Variants in TMC1 observed in about 807,000 individuals in gnomAD.
TMC1 encodes the protein transmembrane channel like 1.
TMC1 carries 84 observed loss-of-function variants against 105.8 expected under a neutral mutation model. The observed-to-expected ratio is 0.79, with a 90% CI of 0.67 to 0.95. The LOEUF (loss-of-function observed/expected upper bound fraction) is 0.95, where lower values mean the gene tolerates loss of function less well. TMC1 is among the 40% of genes least tolerant of loss of function. The probability of loss-of-function intolerance (pLI) is 0.00; values close to 1 mark genes in which losing one functional copy is unlikely to be tolerated. For synonymous variants in TMC1, 315 were observed against 311.5 expected, an observed-to-expected ratio of 1.01 and a Z score of -0.12; for missense variants, 817 against 914.1, an observed-to-expected ratio of 0.89 and a Z score of 1.37.
chr9:72,597,248 A>G (rs1425453107), intron 2 of TMC1, among the ~76,000 whole-genome samples: 3 of 152,238 alleles, frequency 2.0e-5, no homozygotes, highest in Admixed American at 2.0e-4. Flanking sequence ...TCACAGAAAG[A>G]AAGAATGATG....
chr9:72,658,332 TA>T lies in TMC1; in HGVS notation c.16+9684del, dbSNP rs76389787. On this transcript the variant is annotated intron_variant, in intron 5 of 23. Coordinates refer to ENST00000297784, the MANE Select transcript of TMC1 (RefSeq NM_138691.3). ...CTGGGTGAGAGGGTGAGACTCCGTC[TA>T]AAAAAAAAAAAAAAACTATGGTTGT... is the stretch of plus-strand genomic sequence containing the variant. 6.5e-3 allele frequency among the ~76,000 whole-genome samples: 862 copies of T among 131,910 alleles called. 4 individuals are homozygous for T. Among genetic ancestry groups the T allele is most frequent in the African/African-American group, 0.016 (583 of 36,122 alleles). The allele number at this position is 131,910 out of a possible 152,430, so 86.5% of individuals were successfully genotyped here.
At chr9:72,558,779 C>T (rs1823990189) in intron 1 of TMC1, among the ~76,000 whole-genome samples, 1 of 152,118 alleles carries the variant, frequency 6.6e-6, no homozygotes, top group South Asian at 2.1e-4. Context: ...GATGCAGCAA[C>T]CCCTGTATCC....
At chr9:72,833,029 T>C (rs542372314) in intron 23 of TMC1, among the ~76,000 whole-genome samples, 2 of 152,318 alleles carry the variant, frequency 1.3e-5, no homozygotes, top group East Asian at 3.9e-4. Flanking sequence ...CTTGACTTTT[T>C]AGTTTTAAGT....
intron 5 of TMC1, among the ~76,000 whole-genome samples, chr9:72,675,593 C>G (rs1826190322): frequency 6.6e-6 from 1 of 152,118 alleles, no homozygotes; most frequent in African/African-American, 2.4e-5. Flanking sequence ...CATTGTCCTT[C>G]TCTGCATGAT....
intron 2 of TMC1, among the ~76,000 whole-genome samples, chr9:72,592,207 A>G (rs1159796964): frequency 6.6e-6 from 1 of 152,178 alleles, no homozygotes; most frequent in Non-Finnish European, 1.5e-5. Flanking sequence ...CATTCAGGAG[A>G]CAGCCCTACA....
intron 12 of TMC1, among the ~76,000 whole-genome samples, chr9:72,761,461 T>C (rs1827754238): frequency 6.6e-6 from 1 of 152,194 alleles, no homozygotes; most frequent in Admixed American, 6.5e-5. Context: ...GATGGATAAA[T>C]GGTATGTCTA....
chr9:72,666,232 A>T lies in TMC1; in HGVS notation c.16+17568A>T, dbSNP rs531058248. The stretch of plus-strand genomic sequence containing the variant: ...GGTGTTCGAGACTAGCCTGCACTAC[A>T]TAACAAGACCTTGTCCTGTCTCTAT... On this transcript the variant is annotated intron_variant, in intron 5 of 23. Coordinates refer to ENST00000297784, the MANE Select transcript of TMC1 (RefSeq NM_138691.3). 1.3e-3 allele frequency among the ~76,000 whole-genome samples: 195 copies of T among 152,184 alleles called. 1 individual carries two copies. Among genetic ancestry groups the T allele is most frequent in the Admixed American group, 2.6e-3 (39 of 15,292 alleles).
chr9:72,623,983 G>T (rs1825300889), intron 3 of TMC1, among the ~76,000 whole-genome samples: 1 of 152,104 alleles, frequency 6.6e-6, no homozygotes, highest in Non-Finnish European at 1.5e-5. Flanking sequence ...AGGAAGAAAA[G>T]GTAAATCCAT....
At chr9:72,666,626 G>GA (rs1339664233) in intron 5 of TMC1, among the ~76,000 whole-genome samples, 1 of 152,152 alleles carries the variant, frequency 6.6e-6, no homozygotes, top group Non-Finnish European at 1.5e-5. Context: ...CACAAACACT[G>GA]ACTGAGTGCC....
rs1826707579 is a variant in TMC1 at position 72,704,838 on chromosome 9, T to C, written c.362+4195T>C. 2.0e-5 allele frequency among the ~76,000 whole-genome samples: 3 copies of C among 152,142 alleles called. No homozygotes were observed. In the South Asian group the frequency reaches 6.2e-4, roughly 31 times the overall value. On this transcript the variant is annotated intron_variant, in intron 8 of 23. Coordinates refer to ENST00000297784, the MANE Select transcript of TMC1 (RefSeq NM_138691.3). ...TTTTTTGATCTAAAAATTACTGATA[T>C]ATAGTCAGAATGAAAGCTGCTGTTT...
chr9:72,823,643 A>G (rs1371693300), intron 20 of TMC1, among the ~76,000 whole-genome samples: 1 of 152,222 alleles, frequency 6.6e-6, no homozygotes, highest in Non-Finnish European at 1.5e-5. Context: ...GATTTATCGT[A>G]AATAGTTGAC....
At chr9:72,717,974 G>A (rs933636778) in intron 8 of TMC1, among the ~76,000 whole-genome samples, 1 of 151,836 alleles carries the variant, frequency 6.6e-6, no homozygotes, top group South Asian at 2.1e-4. Flanking sequence ...CTTCTTGGAG[G>A]CTTTATTCAT....
chr9:72,799,549 A>G lies in TMC1; in HGVS notation c.1567-5833A>G, dbSNP rs146631406. Among the ~76,000 whole-genome samples the G allele has an allele frequency of 4.8e-3, 723 of 152,130 alleles. 5 individuals carry two copies. The highest frequency in any genetic ancestry group is 0.015 in the African/African-American group (643 of 41,528). On this transcript the variant is annotated intron_variant, in intron 17 of 23. Transcript: ENST00000297784. Reference sequence around the variant, plus strand: ...AAATTATGGTATAATTGAAAATTCTATTTTATTTTATTTGTTAAGCTTTCG... The same window carrying G: ...AAATTATGGTATAATTGAAAATTCTGTTTTATTTTATTTGTTAAGCTTTCG...
At chr9:72,730,900 T>C (rs1838486) in intron 8 of TMC1, among the ~76,000 whole-genome samples, 34,724 of 152,092 alleles carry the variant, frequency 0.23, 4,276 homozygotes, top group East Asian at 0.39. Context: ...AAATCTAATG[T>C]GACTGCTGAT....
At chr9:72,684,717 A>G (rs1588030241) in intron 5 of TMC1, among the ~76,000 whole-genome samples, 2 of 152,188 alleles carry the variant, frequency 1.3e-5, no homozygotes, top group Non-Finnish European at 2.9e-5. Flanking sequence ...GGATCTGATT[A>G]AAGTCCTGAT....
At chr9:72,718,554 A>G (rs1351437510) in intron 8 of TMC1, among the ~76,000 whole-genome samples, 1 of 152,156 alleles carries the variant, frequency 6.6e-6, no homozygotes, top group Non-Finnish European at 1.5e-5. Flanking sequence ...TGTGATGTGA[A>G]CCATCTTTAG....
At chr9:72,809,551 C>T (rs1828658068) in intron 18 of TMC1, among the ~76,000 whole-genome samples, 1 of 152,116 alleles carries the variant, frequency 6.6e-6, no homozygotes, top group Non-Finnish European at 1.5e-5. Context: ...AAACTCTGTG[C>T]TAGGTGATAA....
At chr9:72,812,316 A>C (rs949998101) in intron 18 of TMC1, among the ~76,000 whole-genome samples, 1 of 152,214 alleles carries the variant, frequency 6.6e-6, no homozygotes, top group African/African-American at 2.4e-5. Flanking sequence ...AGGTAGAATG[A>C]TAAAGAATCA....
intron 4 of TMC1, among the ~76,000 whole-genome samples, chr9:72,635,733 G>C (rs1196737733): frequency 6.6e-6 from 1 of 152,162 alleles, no homozygotes; most frequent in African/African-American, 2.4e-5. Context: ...AATAGATTAA[G>C]GTTGCAAGGA....
Sources: allele counts gnomAD v4.1 joint callset (sites outside exome capture counted in the v4.1 genomes callset), GRCh38; gene constraint gnomAD v4.1.1; transcripts MANE v1.5; gene names NCBI Gene and HGNC (gene_info 2026-07-23, HGNC 2026-07-21).